Variants in DNAI1 observed in about 807,000 individuals in gnomAD.
The protein encoded by DNAI1 is dynein, axonemal, intermediate polypeptide 1.
In DNAI1, 67 loss-of-function variants were observed where a neutral mutation model predicts 92.0. That is an observed-to-expected ratio of 0.73 (90% CI 0.60 to 0.89). The LOEUF is 0.89. Among genes scored for constraint, DNAI1 ranks in the 40% least tolerant of loss-of-function variants. The pLI, the probability that DNAI1 is intolerant of heterozygous loss-of-function variation, is 0.00. For missense variants in DNAI1, 839 were observed against 866.6 expected, an observed-to-expected ratio of 0.97 and a Z score of 0.40; for synonymous variants, 323 against 319.6, an observed-to-expected ratio of 1.01 and a Z score of -0.11.
chr9:34,518,354 G>A (rs1825209463), intron 19 of DNAI1, among the ~76,000 whole-genome samples: 1 of 152,256 alleles, frequency 6.6e-6, no homozygotes, highest in Admixed American at 6.5e-5. Flanking sequence ...GGAAGGGACT[G>A]CGGCACCATC....
intron 13 of DNAI1, among the ~76,000 whole-genome samples, chr9:34,511,650 T>C (rs769734758): frequency 2.6e-5 from 4 of 152,218 alleles, no homozygotes; most frequent in Non-Finnish European, 5.9e-5. Flanking sequence ...GCTTCACATA[T>C]AGTATCTCAT....
At chr9:34,460,842 T>C (rs1823939710) in intron 1 of DNAI1, among the ~76,000 whole-genome samples, 1 of 151,402 alleles carries the variant, frequency 6.6e-6, no homozygotes, top group South Asian at 2.1e-4. Context: ...TTTATTATTT[T>C]ATTTTATTTT....
intron 1 of DNAI1, among the ~76,000 whole-genome samples, chr9:34,460,843 ATTTTAT>A (rs1314196871): frequency 1.3e-5 from 2 of 148,912 alleles, no homozygotes; most frequent in East Asian, 4.0e-4. Context: ...TTATTATTTT[ATTTTAT>A]TTTATTTTTG....
At chr9:34,487,165 T>C (rs960586667) in intron 4 of DNAI1, among the ~76,000 whole-genome samples, 7 of 152,230 alleles carry the variant, frequency 4.6e-5, no homozygotes, top group Admixed American at 6.5e-5. Context: ...ACAAAGAGGC[T>C]GAAACAAATC....
chr9:34,465,522 A>G (rs1472818542), intron 1 of DNAI1, among the ~76,000 whole-genome samples: 1 of 152,240 alleles, frequency 6.6e-6, no homozygotes, highest in Admixed American at 6.5e-5. Context: ...TGTTATGATT[A>G]TAGTCATGCT....
intron 19 of DNAI1, among the ~76,000 whole-genome samples, chr9:34,519,290 C>G (rs1440742821): frequency 6.6e-6 from 1 of 152,072 alleles, no homozygotes; most frequent in Non-Finnish European, 1.5e-5. Flanking sequence ...TGATGGGTGT[C>G]AAGAGCCCAA....
At chr9:34,512,833 G>C (rs1825093183) in intron 15 of DNAI1, among the ~76,000 whole-genome samples, 1 of 152,192 alleles carries the variant, frequency 6.6e-6, no homozygotes, top group South Asian at 2.1e-4. Flanking sequence ...CCCTGACCCT[G>C]TTTAACTCAA....
At chr9:34,505,793 C>T (rs1824914791) in intron 12 of DNAI1, among the ~76,000 whole-genome samples, 1 of 152,202 alleles carries the variant, frequency 6.6e-6, no homozygotes, top group South Asian at 2.1e-4. Flanking sequence ...GCAGAGTGCC[C>T]CCAGGTAGGG....
intron 1 of DNAI1, among the ~76,000 whole-genome samples, chr9:34,461,783 T>G (rs1823955906): frequency 6.6e-6 from 1 of 152,180 alleles, no homozygotes; most frequent in African/African-American, 2.4e-5. Flanking sequence ...CTTGCCTCAG[T>G]GAAGACCAAT....
In DNAI1 at chr9:34,497,187, G is replaced by A; in HGVS notation, c.889G>A (p.Asp297Asn). 6.2e-7 allele frequency: 1 copy of A among 1,613,636 alleles called. No individual in the cohort carries two copies. The change falls in exon 10 of 20, where the codon GAC becomes AAC. Residue 297 changes from aspartate (D) to asparagine (N), a missense_variant. Transcript: ENST00000242317. Reference protein sequence around the residue: ...ERMVNQNTYDDIAQDFKYYDD... With the variant: ...ERMVNQNTYDNIAQDFKYYDD... ...GATGGTCAACCAGAATACATATGAT[G>A]ACATTGCTCAAGGTAAGAGTTGAAG...
chr9:34,490,445 A>G lies in DNAI1; in HGVS notation c.578A>G (p.Asn193Ser), dbSNP rs770544613. The change falls in exon 7 of 20, where the codon AAC (asparagine) becomes AGC (serine). Residue 193 changes from asparagine to serine, a missense_variant. By Grantham distance (46) the Asn-to-Ser change is conservative (BLOSUM62 1). Transcript: ENST00000242317. ...GAGAGAAAGCTCACTAACCAGTTCA[A>G]CTTCAGTGAGAGGGCCTCACAGACC... ...PKERKLTNQFNFSERASQTYN... is the reference protein window; with the variant it reads ...PKERKLTNQFSFSERASQTYN... The G allele has an allele frequency of 1.2e-6, 2 of 1,614,062 alleles. No individual in the cohort carries two copies. The highest frequency in any genetic ancestry group is 1.7e-5 in the Admixed American group (1 of 59,996).
intron 1 of DNAI1, among the ~76,000 whole-genome samples, chr9:34,467,728 C>T (rs1436351000): frequency 6.6e-6 from 1 of 152,230 alleles, no homozygotes; most frequent in African/African-American, 2.4e-5. Context: ...GAAATCTACA[C>T]TGGACTTTCC....
At chr9:34,483,832 A>G (rs1482489845) in intron 2 of DNAI1, among the ~76,000 whole-genome samples, 4 of 152,218 alleles carry the variant, frequency 2.6e-5, no homozygotes, top group Non-Finnish European at 5.9e-5. Context: ...TTATAGCATC[A>G]TTTGAAATTA....
In DNAI1 at chr9:34,485,417, T is replaced by A; in HGVS notation, c.181-20T>A. On this transcript the variant is annotated intron_variant, in intron 3 of 19. Transcript: ENST00000242317. ...TGGGGGGTCTTCATGTATGACCCTC[T>A]TGGTATTTTTCTCCCTCAGGAGTTA... 6.2e-7 allele frequency: 1 copy of A among 1,613,800 alleles called. No individual in the cohort carries two copies. The highest frequency in any genetic ancestry group is 8.5e-7 in the Non-Finnish European group (1 of 1,179,732).
At chr9:34,503,282 C>G (rs1324038384) in intron 12 of DNAI1, among the ~76,000 whole-genome samples, 1 of 152,164 alleles carries the variant, frequency 6.6e-6, no homozygotes. Flanking sequence ...TCTGGGAGTC[C>G]CATGCTCTTG....
intron 9 of DNAI1, 68 bp from the exon 10 acceptor site, chr9:34,497,047 A>T: frequency 8.4e-7 from 1 of 1,197,114 alleles, no homozygotes; most frequent in South Asian, 1.2e-5. Flanking sequence ...CAAGGGTGAC[A>T]TGGCTCAGGA....
intron 1 of DNAI1, among the ~76,000 whole-genome samples, chr9:34,483,173 C>T (rs868629716): frequency 4.6e-5 from 7 of 152,366 alleles, no homozygotes; most frequent in Middle Eastern, 3.4e-3. Flanking sequence ...CCACACCTCC[C>T]TGCAAGCTGA....
chr9:34,512,243 C>A (rs1198567836), intron 14 of DNAI1, 45 bp downstream of exon 14: 1 of 1,611,448 alleles, frequency 6.2e-7, no homozygotes, highest in Non-Finnish European at 8.5e-7. Context: ...ATTGGGGAGG[C>A]AGGGAGCTAA....
intron 1 of DNAI1, among the ~76,000 whole-genome samples, chr9:34,470,729 A>G (rs1045422949): frequency 1.3e-5 from 2 of 152,240 alleles, no homozygotes; most frequent in African/African-American, 4.8e-5. Context: ...ACTTGACCTA[A>G]TTAACATTTA....
Sources: allele counts gnomAD v4.1 joint callset (sites outside exome capture counted in the v4.1 genomes callset), GRCh38; gene constraint gnomAD v4.1.1; transcripts MANE v1.5; gene names NCBI Gene and HGNC (gene_info 2026-07-23, HGNC 2026-07-21).